Variants in TBXT observed in about 807,000 individuals in gnomAD.
The protein encoded by TBXT is T-box transcription factor T, also known as T brachyury transcription factor.
TBXT carries 19 observed loss-of-function variants against 41.1 expected under a neutral mutation model. That is an observed-to-expected ratio of 0.46 (90% confidence interval 0.32 to 0.68). TBXT has a LOEUF of 0.68. Among genes scored for constraint, TBXT ranks in the 30% least tolerant of loss-of-function variants. The pLI is 0.03. For synonymous variants in TBXT, 213 were observed against 238.9 expected, an observed-to-expected ratio of 0.89 and a Z score of 1.00; for missense variants, 536 against 582.0, an observed-to-expected ratio of 0.92 and a Z score of 0.81.
intron 7 of TBXT, 126 bp from the exon 8 acceptor site, chr6:166,158,714 A>G: frequency 4.3e-6 from 5 of 1,170,404 alleles, no homozygotes; most frequent in Non-Finnish European, 5.8e-6. Flanking sequence ...TCTTTCAAAC[A>G]GGTCATTTTC....
chr6:166,167,566 G>A lies in TBXT; in HGVS notation c.26C>T (p.Ala9Val). 1 of 1,576,720 alleles carries A rather than the reference G, an allele frequency of 6.3e-7. No individual in the cohort carries two copies. The highest frequency in any genetic ancestry group is 8.6e-7 in the Non-Finnish European group (1 of 1,167,056). Residue 9 changes from alanine to valine, a missense_variant, in exon 1 of 8, where the codon GCG becomes GTG. Ala to Val is a moderately conservative substitution (Grantham distance 64). Transcript: ENST00000366876. ...CACTCGGTACTGCAGGCTCTTTCCCGCGCTCTCGGTGCCAGGGGAGCTCAT... is the reference window on the plus strand; with the variant it reads ...CACTCGGTACTGCAGGCTCTTTCCCACGCTCTCGGTGCCAGGGGAGCTCAT... MSSPGTESAGKSLQYRVDH... is the reference protein window; with the variant it reads MSSPGTESVGKSLQYRVDH...
In TBXT at chr6:166,164,649, A is replaced by G. The variant is rs1217827702; in HGVS notation, c.686T>C (p.Met229Thr). 1 of 1,613,766 alleles carries G rather than the reference A, an allele frequency of 6.2e-7. No homozygotes were observed. The highest frequency in any genetic ancestry group is 1.3e-5 in the African/African-American group (1 of 74,788). ...DAKERSDHKE[M>T]MEEPGDSQQP... ...CTGGCTGTCTCCGGGTTCCTCCATC[A>G]TCTCTTTGTGATCACTTCTATCAAA... Residue 229 changes from methionine to threonine, a missense_variant, in exon 5 of 8, where the codon ATG (methionine) becomes ACG (threonine). By Grantham distance (81) the Met-to-Thr change is moderately conservative (BLOSUM62 -1). Transcript: ENST00000366876.
chr6:166,158,692 T>A (rs1251777621), intron 7 of TBXT, 104 bp from the exon 8 acceptor site: 1 of 1,321,380 alleles, frequency 7.6e-7, no homozygotes, highest in Non-Finnish European at 1.0e-6. Context: ...CTGTGTAATA[T>A]GACAGTTTTC....
chr6:166,163,118 C>T (rs1030423393), intron 5 of TBXT, among the ~76,000 whole-genome samples: 5 of 152,190 alleles, frequency 3.3e-5, no homozygotes, highest in Admixed American at 6.5e-5. Flanking sequence ...GGCAGGTGAG[C>T]TTTCCTCCAC....
At chr6:166,162,654 C>T in intron 5 of TBXT, 31 bp from the exon 6 acceptor site, 3 of 1,579,366 alleles carry the variant, frequency 1.9e-6, no homozygotes, top group East Asian at 2.3e-5. Context: ...GAGTAACCTG[C>T]ATTAGTGCTC....
At chr6:166,159,757 T>G (rs990258522) in intron 7 of TBXT, among the ~76,000 whole-genome samples, 2 of 152,216 alleles carry the variant, frequency 1.3e-5, no homozygotes, top group African/African-American at 4.8e-5. Context: ...AAGGCAGATT[T>G]TTATGCCATT....
At chr6:166,165,970 G>T (rs1779098770) in intron 2 of TBXT, 130 bp from the exon 3 acceptor site, 1 of 1,409,248 alleles carries the variant, frequency 7.1e-7, no homozygotes, top group Non-Finnish European at 9.9e-7. Context: ...GGGAAGTGGG[G>T]TTCCACCAGG....
Position 166,160,059 on chromosome 6 carries a change from A to T in TBXT, c.1037+778T>A, listed in dbSNP as rs145961957. Among the ~76,000 whole-genome samples, 1,104 of 152,346 alleles carry T rather than the reference A, an allele frequency of 7.2e-3. 7 individuals carry two copies. The highest frequency in any genetic ancestry group is 0.013 in the Non-Finnish European group (871 of 68,032). On this transcript the variant is annotated intron_variant, in intron 7 of 7. Coordinates refer to ENST00000366876, the MANE Select transcript of TBXT (RefSeq NM_001366285.2). ...GAAGTGCATTGCCTTTGAGGTCAAG[A>T]TCACTTAATTCCAGGCTCACTCTGC...
At chr6:166,167,158 C>T (rs1198861381) in intron 1 of TBXT, among the ~76,000 whole-genome samples, 9 of 152,374 alleles carry the variant, frequency 5.9e-5, no homozygotes, top group African/African-American at 2.2e-4. Flanking sequence ...CGGGATGCCT[C>T]CGAGGTCGGG....
chr6:166,161,424 C>T (rs1778951464), intron 6 of TBXT, among the ~76,000 whole-genome samples: 1 of 152,232 alleles, frequency 6.6e-6, no homozygotes, highest in African/African-American at 2.4e-5. Context: ...GACTTCCTAA[C>T]CCAATAAGGT....
intron 7 of TBXT, among the ~76,000 whole-genome samples, chr6:166,159,175 A>G (rs1778878905): frequency 6.6e-6 from 1 of 152,202 alleles, no homozygotes; most frequent in Admixed American, 6.5e-5. Context: ...TCCGTCAAAC[A>G]AACACACAAA....
intron 7 of TBXT, 138 bp downstream of exon 7, chr6:166,160,698 TA>T: frequency 7.9e-7 from 1 of 1,263,154 alleles, no homozygotes; most frequent in Non-Finnish European, 1.1e-6. Context: ...AGCTGGCTAA[TA>T]AAGAATTCTA....
chr6:166,166,997 C>G (rs1399946997), intron 1 of TBXT, 141 bp from the exon 2 acceptor site: 3 of 1,440,922 alleles, frequency 2.1e-6, no homozygotes, highest in Non-Finnish European at 2.8e-6. Context: ...CCCAAGCTCC[C>G]CCTTCCCCGA....
chr6:166,163,787 C>A (rs1779029487), intron 5 of TBXT, among the ~76,000 whole-genome samples: 1 of 152,242 alleles, frequency 6.6e-6, no homozygotes, highest in Admixed American at 6.5e-5. Flanking sequence ...ATTCTCCAGG[C>A]AGCACTGGAA....
chr6:166,163,143 A>G (rs1779008956), intron 5 of TBXT, among the ~76,000 whole-genome samples: 2 of 152,120 alleles, frequency 1.3e-5, no homozygotes, highest in African/African-American at 4.8e-5. Context: ...CATGAATACA[A>G]TGTAACCACA....
At chr6:166,168,436 G>T (rs996344167), upstream of TBXT, 7 of 152,234 alleles carry the variant, frequency 4.6e-5, no homozygotes, top group African/African-American at 1.7e-4. Flanking sequence ...CTGTTCTCGC[G>T]CCTCCGATGC....
At chr6:166,164,955 T>G in intron 3 of TBXT, 94 bp from the exon 4 acceptor site, 2 of 993,946 alleles carry the variant, frequency 2.0e-6, no homozygotes, top group African/African-American at 1.6e-5. Context: ...AGTACCACTT[T>G]TAAATATTCA....
intron 6 of TBXT, among the ~76,000 whole-genome samples, chr6:166,161,803 G>T (rs1778963970): frequency 6.6e-6 from 1 of 152,262 alleles, no homozygotes; most frequent in Admixed American, 6.5e-5. Flanking sequence ...GGCACCTGTA[G>T]TCCCAGCTCC....
Position 166,165,668 on chromosome 6 carries a change from AG to A in TBXT, c.606+37del, listed in dbSNP as rs562917395. On this transcript the variant is annotated intron_variant, in intron 3 of 7. Transcript: ENST00000366876. ...TCCACGGAGCAGCACACCACACCGC[AG>A]CACACCGGGAAAGCGATCCGCCTCT... 1.0e-4 allele frequency: 169 copies of A among 1,612,948 alleles called. No homozygotes were observed. In the African/African-American group the frequency reaches 2.1e-3, roughly 20 times the overall value.
Sources: allele counts gnomAD v4.1 joint callset (sites outside exome capture counted in the v4.1 genomes callset), GRCh38; gene constraint gnomAD v4.1.1; transcripts MANE v1.5; gene names NCBI Gene and HGNC (gene_info 2026-07-23, HGNC 2026-07-21).